TENM2: variants seen among roughly 807,000 people sequenced by gnomAD.
TENM2 encodes the protein teneurin transmembrane protein 2, also known as teneurin-2.
TENM2 carries 52 observed loss-of-function variants against 245.2 expected under a neutral mutation model. The observed-to-expected ratio is 0.21, with a 90% CI of 0.17 to 0.27. The LOEUF (loss-of-function observed/expected upper bound fraction) is 0.27. Ranked by LOEUF, TENM2 falls within the 10% of genes least tolerant of loss-of-function variation. The pLI is 1.00. For missense variants in TENM2, 3,046 were observed against 3,666.8 expected (o/e 0.83, Z 4.37); for synonymous variants, 1,363 against 1,438.9 (o/e 0.95, Z 1.19).
At position 167,778,812 on chromosome 5, in the gene TENM2, CAT is replaced by C. The variant is rs1491170261; in HGVS notation, c.503-97173_503-97172del. ...GCTTATGATGCCTTTCTTTGAAAGT[CAT>C]GTGTGTGTGTGTGACTGCACAAGAT... On this transcript the variant is annotated intron_variant, in intron 2 of 28. Transcript: ENST00000518659. Among the ~76,000 whole-genome samples the C allele has an allele frequency of 6.8e-4, 103 of 152,272 alleles. 1 individual carries two copies. Among genetic ancestry groups the C allele is most frequent in the Admixed American group, 6.3e-3 (96 of 15,284 alleles).
chr5:168,116,325 C>T (rs1178269024), intron 9 of TENM2, among the ~76,000 whole-genome samples: 1 of 152,116 alleles, frequency 6.6e-6, no homozygotes, highest in East Asian at 1.9e-4. Flanking sequence ...GAAAATAGCG[C>T]CCCCAGTAGT....
chr5:167,553,408 A>T (rs1167936864), intron 2 of TENM2, among the ~76,000 whole-genome samples: 1 of 152,198 alleles, frequency 6.6e-6, no homozygotes, highest in African/African-American at 2.4e-5. Flanking sequence ...AAGGCCAACT[A>T]TGAATGTATA....
At chr5:167,427,578 CGGGAAGGAA>C (rs1763918625) in intron 2 of TENM2, among the ~76,000 whole-genome samples, 1 of 43,198 alleles carries the variant, frequency 2.3e-5, no homozygotes, top group Non-Finnish European at 4.3e-5. Flanking sequence ...GAAGGAAGGA[CGGGAAGGAA>C]GGGAAGGAAG....
chr5:168,244,274 C>A lies in TENM2; in HGVS notation c.5521-146C>A. On this transcript the variant is annotated intron_variant, in intron 25 of 28. Transcript: ENST00000518659. The surrounding 1 kb of genome is among the most constrained non-coding windows in gnomAD (Gnocchi z 4.9). Reference sequence around the variant, plus strand: ...TTTCTATCTGTGCCATGATAAGGAGCTTAGAAAGCACTACTCTAACTTTGG... The same window carrying A: ...TTTCTATCTGTGCCATGATAAGGAGATTAGAAAGCACTACTCTAACTTTGG... 1 of 669,154 alleles carries A rather than the reference C, an allele frequency of 1.5e-6. No individual in the cohort carries two copies. The highest frequency in any genetic ancestry group is 2.2e-6 in the Non-Finnish European group (1 of 446,218). 41.5% of individuals were successfully genotyped at this position (669,154 alleles called of 1,614,324 possible).
intron 14 of TENM2, among the ~76,000 whole-genome samples, chr5:168,193,736 G>T (rs994289246): frequency 6.6e-6 from 1 of 152,196 alleles, no homozygotes; most frequent in African/African-American, 2.4e-5. Flanking sequence ...CCTTGTGGTC[G>T]TCAACACACA....
At chr5:167,724,528 A>G (rs933245196) in intron 2 of TENM2, among the ~76,000 whole-genome samples, 1 of 152,132 alleles carries the variant, frequency 6.6e-6, no homozygotes, top group African/African-American at 2.4e-5. Flanking sequence ...GGGTGGAGGG[A>G]AGGAGGGAAG....
chr5:167,209,976 G>A, the TENM2 span, among the ~76,000 whole-genome samples: 3 of 152,132 alleles, frequency 2.0e-5, no homozygotes, highest in African/African-American at 7.2e-5. Context: ...TAAACTTCTA[G>A]ATGAAGGAAA....
intron 4 of TENM2, among the ~76,000 whole-genome samples, chr5:167,963,383 A>G (rs1781156921): frequency 6.6e-6 from 1 of 152,124 alleles, no homozygotes; most frequent in African/African-American, 2.4e-5. Flanking sequence ...TAGATATGGG[A>G]TTTCTTCTTT....
chr5:167,882,471 G>C (rs926816524), intron 3 of TENM2, among the ~76,000 whole-genome samples: 37 of 152,288 alleles, frequency 2.4e-4, no homozygotes, highest in African/African-American at 8.9e-4. Flanking sequence ...TTCAATCATT[G>C]TATTAGTCTG....
chr5:167,071,470 A>C, the TENM2 span, among the ~76,000 whole-genome samples: 104 of 152,232 alleles, frequency 6.8e-4, 3 homozygotes, highest in East Asian at 0.019. Context: ...CAAGTTGAAG[A>C]CTTGAAAAGT....
intron 8 of TENM2, among the ~76,000 whole-genome samples, 167 bp downstream of exon 10, chr5:168,090,936 T>C (rs892204746): frequency 5.3e-5 from 8 of 152,156 alleles, no homozygotes; most frequent in African/African-American, 1.9e-4. Context: ...TAGCTCTGAT[T>C]AAATGGAAAT....
the TENM2 span, among the ~76,000 whole-genome samples, chr5:167,130,989 C>G: frequency 6.8e-6 from 1 of 147,526 alleles, no homozygotes; most frequent in African/African-American, 2.5e-5. Flanking sequence ...TTTTGAACTT[C>G]CCACTTGATA....
intron 2 of TENM2, among the ~76,000 whole-genome samples, chr5:167,845,932 C>A (rs997191224): frequency 6.6e-6 from 1 of 152,166 alleles, no homozygotes; most frequent in Non-Finnish European, 1.5e-5. Flanking sequence ...GTGACCTTTC[C>A]ACTTAGCATT....
Position 168,247,598 on chromosome 5 carries a change from C to G in TENM2, c.6659C>G (p.Pro2220Arg), listed in dbSNP as rs371064422. 7 of 1,613,116 alleles carry G rather than the reference C, an allele frequency of 4.3e-6. No individual in the cohort carries two copies. The highest frequency in any genetic ancestry group is 5.9e-6 in the Non-Finnish European group (7 of 1,179,178). Reference sequence around the variant, plus strand: ...CAGAGCGTGGCCGTCAATGACCGCCCGACCTGGCGCTACAGCTATGACCTT... The same window carrying G: ...CAGAGCGTGGCCGTCAATGACCGCCGGACCTGGCGCTACAGCTATGACCTT... Residue 2220 changes from proline (P) to arginine (R), a missense_variant, in exon 27 of 29, where the codon CCG becomes CGG. Transcript: ENST00000518659. The surrounding 1 kb of genome is among the most constrained non-coding windows in gnomAD (Gnocchi z 7.8).
At chr5:167,396,274 A>G (rs1045471982) in intron 2 of TENM2, among the ~76,000 whole-genome samples, 1 of 152,314 alleles carries the variant, frequency 6.6e-6, no homozygotes, top group Non-Finnish European at 1.5e-5. Flanking sequence ...AATATTATTC[A>G]GCCATAAAAA....
intron 27 of TENM2, among the ~76,000 whole-genome samples, chr5:168,251,216 G>A (rs1374396139): frequency 3.3e-5 from 5 of 152,194 alleles, no homozygotes; most frequent in African/African-American, 4.8e-5. Context: ...GACATGTCCC[G>A]CTGCCAAGAC....
chr5:167,578,077 G>GC (rs1323086676), intron 2 of TENM2, among the ~76,000 whole-genome samples: 1 of 152,220 alleles, frequency 6.6e-6, no homozygotes, highest in Admixed American at 6.5e-5. Context: ...TGAACGGCAA[G>GC]CCAAGGTATT....
At chr5:168,251,753 C>T (rs1767132174) in intron 27 of TENM2, among the ~76,000 whole-genome samples, 1 of 152,212 alleles carries the variant, frequency 6.6e-6, no homozygotes, top group South Asian at 2.1e-4. Flanking sequence ...CTTTTCTCTC[C>T]AGTACCCAGT....
intron 2 of TENM2, among the ~76,000 whole-genome samples, chr5:167,402,020 C>T (rs1762394033): frequency 6.6e-6 from 1 of 152,124 alleles, no homozygotes; most frequent in South Asian, 2.1e-4. Context: ...TATAGTGCTA[C>T]AGCTTTTTTA....
Sources: allele counts gnomAD v4.1 joint callset (sites outside exome capture counted in the v4.1 genomes callset), GRCh38; gene constraint gnomAD v4.1.1; non-coding constraint Gnocchi (gnomAD v3.1); transcripts MANE v1.5; gene names NCBI Gene and HGNC (gene_info 2026-07-23, HGNC 2026-07-21).